The following SAMD3 variants were observed in gnomAD, a reference collection of about 807,000 sequenced individuals.
SAMD3 encodes the protein sterile alpha motif domain-containing protein 3.
SAMD3 carries 63 observed loss-of-function variants against 58.5 expected under a neutral mutation model. That is an observed-to-expected ratio of 1.08 (90% CI 0.88 to 1.33). The LOEUF (loss-of-function observed/expected upper bound fraction) is 1.33, where lower values mean the gene tolerates loss of function less well. Ranked by LOEUF, SAMD3 falls within the 40% of genes most tolerant of loss-of-function variation. SAMD3 has a pLI of 0.00. For missense variants in SAMD3, 604 were observed against 608.4 expected (o/e 0.99, Z 0.08); for synonymous variants, 220 against 210.3 (o/e 1.05, Z -0.40).
intron 1 of SAMD3, among the ~76,000 whole-genome samples, chr6:130,319,815 T>C (rs573861881): frequency 4.6e-5 from 7 of 152,088 alleles, no homozygotes; most frequent in Non-Finnish European, 1.0e-4. Context: ...AATGTGTAAG[T>C]TTAACATGTA....
intron 1 of SAMD3, among the ~76,000 whole-genome samples, chr6:130,322,560 C>T (rs756602564): frequency 6.6e-5 from 10 of 152,086 alleles, no homozygotes; most frequent in Admixed American, 1.3e-4. Context: ...CACTTGAACT[C>T]GGGAGGCAGA....
chr6:130,344,825 CAA>C (rs56795907), intron 1 of SAMD3, among the ~76,000 whole-genome samples: 767 of 41,046 alleles, frequency 0.019, 7 homozygotes, highest in African/African-American at 0.068. Flanking sequence ...ACAACAACAG[CAA>C]AAAAAAAAAA....
At chr6:130,241,205 C>T (rs1047604025) in intron 2 of SAMD3, among the ~76,000 whole-genome samples, 1 of 136,712 alleles carries the variant, frequency 7.3e-6, no homozygotes, top group African/African-American at 3.0e-5. Flanking sequence ...ACTTAAACCT[C>T]CTTTTTTTTT....
intron 5 of SAMD3, among the ~76,000 whole-genome samples, chr6:130,190,266 G>A (rs1332318662): frequency 6.6e-6 from 1 of 151,656 alleles, no homozygotes; most frequent in African/African-American, 2.4e-5. Flanking sequence ...ACAGATTCAA[G>A]AGACTCCACA....
Position 130,214,369 on chromosome 6 carries a change from T to G in SAMD3, c.237A>C (p.Ala79=). Residue 79 remains alanine (A), a synonymous_variant, in exon 4 of 12, where the codon GCA becomes GCC. Coordinates refer to ENST00000439090, the MANE Select transcript of SAMD3 (RefSeq NM_001017373.4). ...GLKSPENPKK[A]ALVMQTEAAR... is the part of the protein sequence containing the mutation. ...CTGCTTCTGTTTGCATGACCAGGGC[T>G]GCCTTTTTGGGGTTTTCTGGGGACT... The G allele has an allele frequency of 6.2e-7, 1 of 1,608,358 alleles. No homozygotes were observed. Among genetic ancestry groups the G allele is most frequent in the Non-Finnish European group, 8.5e-7 (1 of 1,177,634 alleles).
chr6:130,167,175 G>A (rs1186715111), intron 8 of SAMD3, among the ~76,000 whole-genome samples: 1 of 152,056 alleles, frequency 6.6e-6, no homozygotes, highest in Admixed American at 6.6e-5. Context: ...AGTTTAAAAG[G>A]TGAAACCGAA....
intron 5 of SAMD3, among the ~76,000 whole-genome samples, chr6:130,196,017 C>A (rs55906910): frequency 0.38 from 57,055 of 151,884 alleles, 11,425 homozygotes; most frequent in African/African-American, 0.48. Context: ...TGCCCACAAC[C>A]GAGCTCTCCC....
intron 2 of SAMD3, among the ~76,000 whole-genome samples, chr6:130,292,684 T>C (rs900612036): frequency 1.2e-4 from 18 of 151,660 alleles, no homozygotes; most frequent in Non-Finnish European, 2.2e-4. Context: ...AGTGGCTTGA[T>C]CTTGGCTCAC....
rs149555854 is a variant in SAMD3 at position 130,271,352 on chromosome 6, T to C, written c.-188+41626A>G. ...TTTCCCCTCAACTTCCCTATCCCTG[T>C]GTACTATCAAGCTATTTGATGCTTA... On this transcript the variant is annotated intron_variant, in intron 2 of 13. Coordinates refer to the SAMD3 transcript ENST00000368134. Among the ~76,000 whole-genome samples, 15 of 152,308 alleles carry C rather than the reference T, an allele frequency of 9.8e-5. No homozygotes were observed. In the East Asian group the frequency reaches 2.9e-3, roughly 29 times the overall value.
intron 7 of SAMD3, among the ~76,000 whole-genome samples, chr6:130,178,332 G>A (rs1219345678): frequency 3.3e-5 from 5 of 150,446 alleles, no homozygotes; most frequent in African/African-American, 1.2e-4. Context: ...GCTCTTCTCC[G>A]CTGCAATGCC....
At chr6:130,187,998 C>T (rs1175928513) in intron 5 of SAMD3, among the ~76,000 whole-genome samples, 1 of 152,142 alleles carries the variant, frequency 6.6e-6, no homozygotes, top group Non-Finnish European at 1.5e-5. Flanking sequence ...ATGTGTAGAG[C>T]TTATATTTGC....
intron 2 of SAMD3, among the ~76,000 whole-genome samples, chr6:130,274,394 G>C (rs561024620): frequency 2.0e-5 from 3 of 152,172 alleles, no homozygotes; most frequent in Non-Finnish European, 2.9e-5. Flanking sequence ...GGGAGGGACT[G>C]TCTGGAAAAT....
intron 1 of SAMD3, among the ~76,000 whole-genome samples, chr6:130,324,245 G>A (rs544466928): frequency 1.3e-5 from 2 of 152,190 alleles, no homozygotes; most frequent in Admixed American, 1.3e-4. Context: ...AGTTACCTTC[G>A]AGATCATTAG....
At chr6:130,169,455 T>C (rs1278867291) in intron 8 of SAMD3, among the ~76,000 whole-genome samples, 4 of 152,194 alleles carry the variant, frequency 2.6e-5, no homozygotes, top group Admixed American at 1.3e-4. Context: ...GTTAAATCCT[T>C]ACTAATTAGA....
rs72992405 is a variant in SAMD3, at chr6:130,313,096, G to A, written c.-303-3C>T. 0.11 allele frequency: 16,176 copies of A among 152,184 alleles called. 1,001 individuals are homozygous for A. The highest frequency in any genetic ancestry group is 0.15 in the Admixed American group (2,239 of 15,272). 9.4% of individuals were successfully genotyped at this position (152,184 alleles called of 1,614,324 possible). On this transcript the variant is annotated splice_polypyrimidine_tract_variant and splice_region_variant and intron_variant, in intron 1 of 13. Coordinates refer to the SAMD3 transcript ENST00000368134. The stretch of plus-strand genomic sequence containing the variant: ...TGAGTTAGAATCTCTTGGAGAGCCT[G>A]TTAAAACACAGAAGGCCAAGACTCA...
intron 4 of SAMD3, among the ~76,000 whole-genome samples, chr6:130,213,861 C>T (rs1007760062): frequency 2.0e-5 from 3 of 152,018 alleles, no homozygotes; most frequent in Non-Finnish European, 2.9e-5. Context: ...GTGACAATAA[C>T]GTGTTTAGCA....
At chr6:130,271,497 AATCT>A in intron 2 of SAMD3, among the ~76,000 whole-genome samples, 1 of 152,116 alleles carries the variant, frequency 6.6e-6, no homozygotes. Flanking sequence ...CTTTGTCCAT[AATCT>A]ATCCAGTGTT....
At chr6:130,349,158 A>G (rs922710064) in intron 1 of SAMD3, among the ~76,000 whole-genome samples, 10 of 152,334 alleles carry the variant, frequency 6.6e-5, no homozygotes, top group Non-Finnish European at 1.0e-4. Flanking sequence ...CTAACATCAC[A>G]ATTAAAAGAA....
intron 2 of SAMD3, among the ~76,000 whole-genome samples, chr6:130,236,272 G>A (rs1241036826): frequency 6.6e-6 from 1 of 152,108 alleles, no homozygotes; most frequent in Non-Finnish European, 1.5e-5. Context: ...AAAATAGTCT[G>A]TGCTATTTTG....
Sources: gnomAD v4.1 joint callset for allele counts (sites outside exome capture counted in the v4.1 genomes callset) on GRCh38, gnomAD v4.1.1 for gene constraint, MANE v1.5 for transcripts, NCBI Gene and HGNC (gene_info 2026-07-23, HGNC 2026-07-21) for gene names.